The following PKD1L1 variants were observed in gnomAD, a reference collection of about 807,000 sequenced individuals.
The protein encoded by PKD1L1 is polycystin-1-like protein 1.
Under a neutral mutation model 323.4 loss-of-function variants are expected in PKD1L1, and 236 were observed. The ratio of observed to expected loss-of-function variants is 0.73; its 90% CI spans 0.66 to 0.81. PKD1L1 has a LOEUF of 0.81. Among genes scored for constraint, PKD1L1 ranks in the 40% least tolerant of loss-of-function variants. PKD1L1 has a pLI of 0.00. For missense variants in PKD1L1, 3,320 were observed against 3,508.0 expected, an observed-to-expected ratio of 0.95 and a Z score of 1.35; for synonymous variants, 1,344 against 1,335.0, an observed-to-expected ratio of 1.01 and a Z score of -0.15.
At chr7:47,956,467 T>A in the PKD1L1 span, among the ~76,000 whole-genome samples, 1 of 152,180 alleles carries the variant, frequency 6.6e-6, no homozygotes, top group Non-Finnish European at 1.5e-5. Context: ...GCAGGGAACC[T>A]GGGCTTAGGG....
rs1276035701 is a variant in PKD1L1 at position 47,846,917 on chromosome 7, A to C, written c.5115T>G (p.Ser1705=). ...TTTCAGGAGAAGTCCCTGGTTGTGGAGAGAAACGTTCAGATTTCCACTCTC... is the reference window on the plus strand; with the variant it reads ...TTTCAGGAGAAGTCCCTGGTTGTGGCGAGAAACGTTCAGATTTCCACTCTC... ...DKREWKSERF[S]PQPGTSPEKV... is the part of the protein sequence containing the mutation. Residue 1705 remains serine (S), a synonymous_variant, in exon 32 of 57, where the codon TCT becomes TCG. Transcript: ENST00000289672. 6.2e-7 allele frequency: 1 copy of C among 1,613,196 alleles called. No individual in the cohort carries two copies. Among genetic ancestry groups the C allele is most frequent in the Non-Finnish European group, 8.5e-7 (1 of 1,179,738 alleles).
chr7:47,867,994 C>T (rs1288419956), intron 24 of PKD1L1, among the ~76,000 whole-genome samples: 1 of 152,178 alleles, frequency 6.6e-6, no homozygotes, highest in African/African-American at 2.4e-5. Context: ...TTTCTCTCTT[C>T]TTATTTAAAA....
In PKD1L1 at chr7:47,792,761, C is replaced by G; in HGVS notation, c.8392G>C (p.Glu2798Gln). Residue 2798 changes from glutamate to glutamine, a missense_variant, in exon 56 of 57, where the codon GAA becomes CAA. Glu to Gln is a conservative substitution (Grantham distance 29, BLOSUM62 2). Coordinates refer to ENST00000289672, the MANE Select transcript of PKD1L1 (RefSeq NM_138295.5). ...YLDEFANLLD[E>Q]LLMKINGLSD... ...AAACCATTAATCTTCATCAGAAGTT[C>G]GTCTAACAGATTTGCAAATTCATCC... The G allele has an allele frequency of 1.9e-6, 3 of 1,613,774 alleles. No homozygotes were observed. The highest frequency in any genetic ancestry group is 2.5e-6 in the Non-Finnish European group (3 of 1,179,900).
chr7:47,914,910 C>CT (rs1787396904), intron 8 of PKD1L1, among the ~76,000 whole-genome samples: 1 of 152,176 alleles, frequency 6.6e-6, no homozygotes, highest in Non-Finnish European at 1.5e-5. Context: ...CTGCAACTCC[C>CT]TGTAACCTCC....
intron 19 of PKD1L1, among the ~76,000 whole-genome samples, chr7:47,882,964 C>G (rs965918930): frequency 6.6e-6 from 1 of 152,160 alleles, no homozygotes; most frequent in Non-Finnish European, 1.5e-5. Flanking sequence ...TTCACTTAGG[C>G]TAAGGAGGCT....
At chr7:47,820,732 G>A (rs199933884) in intron 46 of PKD1L1, among the ~76,000 whole-genome samples, 16 of 147,966 alleles carry the variant, frequency 1.1e-4, no homozygotes, top group South Asian at 2.1e-4. Flanking sequence ...TCTCAAAAAG[G>A]AAAAAAAAAA....
chr7:47,932,702 C>T (rs907308091), intron 4 of PKD1L1, among the ~76,000 whole-genome samples: 1 of 152,222 alleles, frequency 6.6e-6, no homozygotes, highest in African/African-American at 2.4e-5. Flanking sequence ...GGCTCCAGGC[C>T]CCACCTCTGG....
At chr7:47,837,914 T>C (rs955207635) in intron 36 of PKD1L1, among the ~76,000 whole-genome samples, 16 of 152,214 alleles carry the variant, frequency 1.1e-4, no homozygotes, top group Admixed American at 2.6e-4. Flanking sequence ...ATCTTCTTTA[T>C]GTAAATAAAC....
At chr7:47,959,738 A>G in the PKD1L1 span, among the ~76,000 whole-genome samples, 42 of 139,312 alleles carry the variant, frequency 3.0e-4, 1 homozygote, top group Non-Finnish European at 3.2e-5. Flanking sequence ...CCCGTCCGGG[A>G]GGGAGGTGGA....
intron 49 of PKD1L1, among the ~76,000 whole-genome samples, chr7:47,812,426 G>C (rs547129762): frequency 6.6e-6 from 1 of 152,248 alleles, no homozygotes; most frequent in Non-Finnish European, 1.5e-5. Context: ...CCACTGTTTG[G>C]AACAAACAAG....
chr7:47,880,247 GATATATATATATATATACAT>G (rs1437855839), intron 21 of PKD1L1, among the ~76,000 whole-genome samples: 81 of 98,140 alleles, frequency 8.3e-4, no homozygotes, highest in African/African-American at 1.5e-3. Context: ...GCATAAATAA[GATATATATATATATATACAT>G]ATATATATAT....
rs1787411006 is a variant in PKD1L1, at chr7:47,915,573, GAAAATGTAAAAGATGAAAA to G, written c.1068_1086del (p.Phe357SerfsTer17). The G allele has an allele frequency of 1.3e-6, 2 of 1,528,678 alleles. No individual in the cohort carries two copies. Among genetic ancestry groups the G allele is most frequent in the Non-Finnish European group, 1.8e-6 (2 of 1,119,470 alleles). The allele number at this position is 1,528,678 out of a possible 1,614,324, so 94.7% of individuals were successfully genotyped here. ...TCTTTGTAGGTGGACATATCCAACT[GAAAATGTAAAAGATGAAAA>G]AAAATACCTATAAAAGCAAAAAGAA... is the stretch of plus-strand genomic sequence containing the variant. On this transcript the variant is annotated frameshift_variant, in exon 8 of 57. Coordinates refer to ENST00000289672, the MANE Select transcript of PKD1L1 (RefSeq NM_138295.5). LOFTEE classifies it high-confidence loss of function.
intron 33 of PKD1L1, among the ~76,000 whole-genome samples, chr7:47,843,684 A>T (rs1785608300): frequency 6.6e-6 from 1 of 151,920 alleles, no homozygotes; most frequent in Admixed American, 6.5e-5. Flanking sequence ...GCCTCTACCT[A>T]CCTGTTCCCA....
chr7:47,858,257 T>C (rs1005094405), intron 27 of PKD1L1, among the ~76,000 whole-genome samples: 2 of 152,044 alleles, frequency 1.3e-5, no homozygotes, highest in African/African-American at 4.8e-5. Context: ...AGAGCAGAAA[T>C]AAATGAAATA....
chr7:47,909,977 A>G (rs1272810206), intron 8 of PKD1L1, among the ~76,000 whole-genome samples: 1 of 152,204 alleles, frequency 6.6e-6, no homozygotes, highest in African/African-American at 2.4e-5. Flanking sequence ...AGAAATAGGT[A>G]CACTTTCCCA....
At chr7:47,867,728 AG>A (rs1456632834) in intron 24 of PKD1L1, among the ~76,000 whole-genome samples, 2 of 152,226 alleles carry the variant, frequency 1.3e-5, no homozygotes, top group Non-Finnish European at 2.9e-5. Context: ...AACAATGTTT[AG>A]TCAAATAGAG....
At chr7:47,818,258 C>G (rs768366273) in intron 46 of PKD1L1, 33 of 1,230,916 alleles carry the variant, frequency 2.7e-5, no homozygotes, top group Admixed American at 1.9e-4. Context: ...CCAGGGGGCA[C>G]AGAGATGCAG....
At chr7:47,924,699 C>T (rs1787625275) in intron 7 of PKD1L1, among the ~76,000 whole-genome samples, 1 of 152,184 alleles carries the variant, frequency 6.6e-6, no homozygotes, top group South Asian at 2.1e-4. Flanking sequence ...TAATCCTTCT[C>T]ATAGTTATCT....
rs551947396 is a variant in PKD1L1 at position 47,835,928 on chromosome 7, T to G, written c.5944-685A>C. Among the ~76,000 whole-genome samples the G allele has an allele frequency of 1.5e-4, 23 of 152,296 alleles. No individual in the cohort carries two copies. The South Asian group carries it at 4.8e-3, about 32-fold the overall frequency. The stretch of plus-strand genomic sequence containing the variant: ...CACTCTCTACCAGGCATGTGCTCCA[T>G]GGATGGAATCATGGCTACAATCCAG... On this transcript the variant is annotated intron_variant, in intron 37 of 56. Coordinates refer to ENST00000289672, the MANE Select transcript of PKD1L1 (RefSeq NM_138295.5).
Sources: gnomAD v4.1 joint callset for allele counts (sites outside exome capture counted in the v4.1 genomes callset) on GRCh38, gnomAD v4.1.1 for gene constraint, MANE v1.5 for transcripts, NCBI Gene and HGNC (gene_info 2026-07-23, HGNC 2026-07-21) for gene names.